The following ROCK1 variants were observed in gnomAD, a reference collection of about 807,000 sequenced individuals.
ROCK1 encodes the protein Rho associated coiled-coil containing protein kinase 1.
ROCK1 carries 36 observed loss-of-function variants against 196.8 expected under a neutral mutation model. The ratio of observed to expected loss-of-function variants is 0.18; its 90% CI spans 0.14 to 0.24. ROCK1 has a LOEUF of 0.24. Ranked by LOEUF, ROCK1 falls within the 10% of genes least tolerant of loss-of-function variation. The pLI is 1.00. For synonymous variants in ROCK1, 443 were observed against 515.9 expected, an observed-to-expected ratio of 0.86 and a Z score of 1.91; for missense variants, 920 against 1,562.0, an observed-to-expected ratio of 0.59 and a Z score of 6.93.
chr18:21,074,797 T>C (rs1168313955), intron 1 of ROCK1, among the ~76,000 whole-genome samples: 4 of 152,074 alleles, frequency 2.6e-5, no homozygotes, highest in Non-Finnish European at 5.9e-5. Context: ...AAAAAGTAAA[T>C]ACAGGATATC....
intron 1 of ROCK1, among the ~76,000 whole-genome samples, chr18:21,091,379 T>C (rs967229657): frequency 1.2e-4 from 19 of 152,034 alleles, no homozygotes; most frequent in African/African-American, 4.3e-4. Context: ...CCGAGGTGGG[T>C]GGATCACGAG....
chr18:20,978,828 A>G (rs1378251260), intron 22 of ROCK1, among the ~76,000 whole-genome samples: 7 of 152,204 alleles, frequency 4.6e-5, no homozygotes, highest in Non-Finnish European at 8.8e-5. Flanking sequence ...GTGGATAGCA[A>G]GGTTCTCTTT....
intron 20 of ROCK1, among the ~76,000 whole-genome samples, chr18:20,984,135 T>C (rs2035557365): frequency 6.6e-6 from 1 of 152,212 alleles, no homozygotes; most frequent in Admixed American, 6.5e-5. Flanking sequence ...GTGATGACTT[T>C]TGTGGACATG....
intron 29 of ROCK1, among the ~76,000 whole-genome samples, chr18:20,959,119 TAA>T (rs1491464040): frequency 1.5e-4 from 8 of 54,666 alleles, no homozygotes; most frequent in African/African-American, 1.3e-4. Flanking sequence ...ATATATTATA[TAA>T]TATATATATT....
At chr18:20,979,612 A>G (rs1402885358) in intron 22 of ROCK1, among the ~76,000 whole-genome samples, 1 of 151,540 alleles carries the variant, frequency 6.6e-6, no homozygotes, top group East Asian at 1.9e-4. Flanking sequence ...ACAGAGCAAG[A>G]CTCCATCTCA....
At chr18:21,038,610 T>C (rs2036077888) in intron 9 of ROCK1, among the ~76,000 whole-genome samples, 1 of 152,226 alleles carries the variant, frequency 6.6e-6, no homozygotes, top group Non-Finnish European at 1.5e-5. Flanking sequence ...CTCAACTAGA[T>C]AGGCAGTCCT....
At chr18:21,099,445 T>C (rs2036639687) in intron 1 of ROCK1, among the ~76,000 whole-genome samples, 1 of 152,150 alleles carries the variant, frequency 6.6e-6, no homozygotes, top group Admixed American at 6.5e-5. Flanking sequence ...AGTTTTAACT[T>C]TTAAACCACG....
intron 27 of ROCK1, among the ~76,000 whole-genome samples, chr18:20,961,818 C>CTTTTTTTTT: frequency 8.5e-6 from 1 of 117,210 alleles, no homozygotes. Flanking sequence ...TTTCTTTTTC[C>CTTTTTTTTT]TTTTTTTTTT....
At chr18:21,039,748 G>T (rs1036683246) in intron 8 of ROCK1, among the ~76,000 whole-genome samples, 185 bp from the exon 9 acceptor site, 1 of 152,076 alleles carries the variant, frequency 6.6e-6, no homozygotes, top group Non-Finnish European at 1.5e-5. Context: ...GAACATTAAA[G>T]AATTTTTTTA....
At chr18:21,027,750 ATTTTTTTTTTTTTT>A (rs751964514) in intron 10 of ROCK1, among the ~76,000 whole-genome samples, 23 of 95,322 alleles carry the variant, frequency 2.4e-4, no homozygotes, top group South Asian at 1.3e-3. Context: ...GAATCACTTA[ATTTTTTTTTTTTTT>A]TTTTTTTTTT....
chr18:20,976,395 C>T (rs772991117), intron 22 of ROCK1, among the ~76,000 whole-genome samples: 4 of 152,132 alleles, frequency 2.6e-5, no homozygotes, highest in Non-Finnish European at 5.9e-5. Flanking sequence ...CACAAACATA[C>T]ACCTAAAAGA....
At chr18:20,965,148 G>A (rs1388524875) in intron 27 of ROCK1, among the ~76,000 whole-genome samples, 1 of 152,126 alleles carries the variant, frequency 6.6e-6, no homozygotes, top group Non-Finnish European at 1.5e-5. Context: ...TCAGCACTTT[G>A]GAAGGCCAAG....
At chr18:20,992,684 C>A (rs2035636657) in intron 17 of ROCK1, 147 bp downstream of exon 17, 6 of 537,902 alleles carry the variant, frequency 1.1e-5, no homozygotes, top group Middle Eastern at 4.8e-4. Flanking sequence ...ACATACAGCC[C>A]CACATACAAC....
chr18:21,066,894 A>G (rs1444654570), intron 2 of ROCK1, among the ~76,000 whole-genome samples: 2 of 152,234 alleles, frequency 1.3e-5, no homozygotes, highest in African/African-American at 4.8e-5. Flanking sequence ...ACATTTTAAT[A>G]CAGCTCTTTG....
rs529815334 is a variant in ROCK1 at position 21,093,562 on chromosome 18, T to C, written c.93+17256A>G. On this transcript the variant is annotated intron_variant, in intron 1 of 32. Transcript: ENST00000399799. ...AAGAAAGGGTAGCATAATGTACACC[T>C]ACGGCACTGTCTGCCCTGCCCTACT... is the stretch of plus-strand genomic sequence containing the variant. Among the ~76,000 whole-genome samples the C allele has an allele frequency of 1.7e-3, 265 of 152,290 alleles. 1 individual carries two copies. In the Middle Eastern group the frequency reaches 0.037, roughly 22 times the overall value.
chr18:20,971,344 A>ACACACACG (rs2035425916), intron 22 of ROCK1, among the ~76,000 whole-genome samples: 1 of 142,806 alleles, frequency 7.0e-6, no homozygotes, highest in African/African-American at 2.9e-5. Flanking sequence ...ACACACACAC[A>ACACACACG]TACACACAGA....
chr18:20,980,134 T>TATTTGCATTTGTCATGG, intron 21 of ROCK1, 130 bp from the exon 22 acceptor site: 1 of 1,116,924 alleles, frequency 9.0e-7, no homozygotes, highest in Non-Finnish European at 1.2e-6. Flanking sequence ...CCATGACAAA[T>TATTTGCATTTGTCATGG]GCAAATATAT....
chr18:21,108,360 T>C (rs1198311668), intron 1 of ROCK1, among the ~76,000 whole-genome samples: 2 of 152,240 alleles, frequency 1.3e-5, no homozygotes, highest in Non-Finnish European at 2.9e-5. Flanking sequence ...CCCTCCATTG[T>C]TTCTCCCTTT....
At chr18:21,064,026 C>G (rs903674663) in intron 2 of ROCK1, among the ~76,000 whole-genome samples, 2 of 152,172 alleles carry the variant, frequency 1.3e-5, no homozygotes, top group Non-Finnish European at 2.9e-5. Flanking sequence ...TTCTCCTCTT[C>G]CTTGAACTTA....
Sources: allele counts gnomAD v4.1 joint callset (sites outside exome capture counted in the v4.1 genomes callset), GRCh38; gene constraint gnomAD v4.1.1; transcripts MANE v1.5; gene names NCBI Gene and HGNC (gene_info 2026-07-23, HGNC 2026-07-21).